The following ATP8A2 variants were observed in gnomAD, a reference collection of about 807,000 sequenced individuals.
The protein encoded by ATP8A2 is phospholipid-transporting ATPase IB.
A neutral mutation model predicts 165.6 loss-of-function variants in ATP8A2; 100 were observed. The ratio of observed to expected loss-of-function variants is 0.60; its 90% CI spans 0.51 to 0.71. ATP8A2 has a LOEUF of 0.71. Among genes scored for constraint, ATP8A2 ranks in the 30% least tolerant of loss-of-function variants. ATP8A2 has a pLI of 0.00. For missense variants in ATP8A2, 1,227 were observed against 1,479.5 expected (o/e 0.83, Z 2.80); for synonymous variants, 543 against 548.8 (o/e 0.99, Z 0.15).
At chr13:25,575,355 A>C (rs1001836032) in intron 19 of ATP8A2, among the ~76,000 whole-genome samples, 1 of 152,248 alleles carries the variant, frequency 6.6e-6, no homozygotes, top group Admixed American at 6.5e-5. Context: ...CTTCCCCAGT[A>C]CAATTTTAAA....
At chr13:25,815,335 G>A (rs2765753) in intron 27 of ATP8A2, among the ~76,000 whole-genome samples, 150,876 of 152,310 alleles carry the variant, frequency 0.99, 74,740 homozygotes, top group East Asian at 1. Flanking sequence ...TATCTGAAGA[G>A]CTCCTAAACA....
At chr13:25,513,926 C>A (rs569437558) in intron 2 of ATP8A2, among the ~76,000 whole-genome samples, 4 of 136,320 alleles carry the variant, frequency 2.9e-5, no homozygotes, top group Non-Finnish European at 4.7e-5. Context: ...AGCTTTGGCT[C>A]GGCATCAGAG....
intron 33 of ATP8A2, among the ~76,000 whole-genome samples, chr13:25,869,025 C>A (rs1011243321): frequency 1.4e-5 from 2 of 142,952 alleles, no homozygotes; most frequent in South Asian, 2.2e-4. Flanking sequence ...GCCGAGATCG[C>A]GCCACTGCAC....
chr13:25,725,693 T>C (rs2043478303), intron 25 of ATP8A2, among the ~76,000 whole-genome samples: 1 of 152,218 alleles, frequency 6.6e-6, no homozygotes, highest in Non-Finnish European at 1.5e-5. Flanking sequence ...GTGCCTTAGC[T>C]GTGGACATTC....
intron 1 of ATP8A2, among the ~76,000 whole-genome samples, chr13:25,444,155 G>A (rs1236069545): frequency 6.6e-6 from 1 of 152,108 alleles, no homozygotes; most frequent in Non-Finnish European, 1.5e-5. Context: ...AGATTAGTTT[G>A]CCTTTGAATG....
intron 35 of ATP8A2, among the ~76,000 whole-genome samples, chr13:25,991,154 G>A (rs1956384531): frequency 6.6e-6 from 1 of 152,164 alleles, no homozygotes; most frequent in African/African-American, 2.4e-5. Context: ...CCGCTTTAAA[G>A]GAAGCTTGGC....
chr13:25,642,619 A>G (rs953819015), intron 24 of ATP8A2, among the ~76,000 whole-genome samples: 2 of 152,364 alleles, frequency 1.3e-5, no homozygotes, highest in African/African-American at 4.8e-5. Flanking sequence ...ATGTGGAGAA[A>G]TAGGAAGACT....
At chr13:25,591,617 ACT>A (rs1407886680) in intron 24 of ATP8A2, among the ~76,000 whole-genome samples, 1 of 134,760 alleles carries the variant, frequency 7.4e-6, no homozygotes, top group African/African-American at 2.9e-5. Flanking sequence ...ACGAAGTCTC[ACT>A]CTCTTGCCAG....
rs142027740 is a variant in ATP8A2 at position 25,732,267 on chromosome 13, C to A, written c.2384+32922C>A. ...TATCCTTGCTAGATGAGCAGCCTCG[C>A]ATGTTGGGAAAGAATCTGTACCAGA... On this transcript the variant is annotated intron_variant, in intron 25 of 36. Coordinates refer to ENST00000381655, the MANE Select transcript of ATP8A2 (RefSeq NM_016529.6). 2.3e-3 allele frequency among the ~76,000 whole-genome samples: 349 copies of A among 152,296 alleles called. 2 individuals are homozygous for A. The highest frequency in any genetic ancestry group is 7.5e-3 in the African/African-American group (312 of 41,568).
At chr13:25,576,936 A>G (rs1002438907) in intron 19 of ATP8A2, 133 bp from the exon 20 acceptor site, 1 of 689,662 alleles carries the variant, frequency 1.4e-6, no homozygotes, top group African/African-American at 1.8e-5. Context: ...ACTTTGAAGA[A>G]AAAGGCAGGG....
chr13:25,768,869 T>C (rs1452031048), intron 25 of ATP8A2, among the ~76,000 whole-genome samples, 177 bp from the exon 26 acceptor site: 2 of 152,206 alleles, frequency 1.3e-5, no homozygotes, highest in East Asian at 3.8e-4. Flanking sequence ...AGTTGGCAAA[T>C]ACTTGAAAGC....
chr13:25,824,784 A>G (rs1015433313), intron 27 of ATP8A2, among the ~76,000 whole-genome samples: 1 of 151,982 alleles, frequency 6.6e-6, no homozygotes, highest in Non-Finnish European at 1.5e-5. Context: ...TATATTTTCT[A>G]TACTGCCCTG....
In ATP8A2 at chr13:25,751,165, C is replaced by T. The variant is rs189947891; in HGVS notation, c.2385-17881C>T. Among the ~76,000 whole-genome samples the T allele has an allele frequency of 9.2e-5, 14 of 152,296 alleles. No homozygotes were observed. In the East Asian group the frequency reaches 2.7e-3, roughly 29 times the overall value. ...AAGTAACTAAGTCAACCTCCCATAC[C>T]TTGGCTTACTTTGAATTCAACCTCG... On this transcript the variant is annotated intron_variant, in intron 25 of 36. Coordinates refer to ENST00000381655, the MANE Select transcript of ATP8A2 (RefSeq NM_016529.6).
intron 24 of ATP8A2, among the ~76,000 whole-genome samples, chr13:25,605,977 CCTT>C (rs1299763849): frequency 2.0e-5 from 3 of 152,132 alleles, no homozygotes; most frequent in Admixed American, 6.5e-5. Context: ...TCCATATACT[CCTT>C]CTTGCCCTCC....
At position 25,429,096 on chromosome 13, in the gene ATP8A2, C is replaced by T. The variant is rs143716018; in HGVS notation, c.77-39881C>T. Among the ~76,000 whole-genome samples, 1,286 of 151,856 alleles carry T rather than the reference C, an allele frequency of 8.5e-3. 20 individuals are homozygous for T. The highest frequency in any genetic ancestry group is 0.029 in the African/African-American group (1,190 of 41,426). On this transcript the variant is annotated intron_variant, in intron 1 of 36. Transcript: ENST00000381655. ...AAGAAATAATCTAGTGGCCGGGCAC[C>T]GTGGCTCATGCCTGTAATCCCAGCA...
chr13:25,834,115 A>G (rs1405130405), intron 28 of ATP8A2, among the ~76,000 whole-genome samples: 3 of 152,226 alleles, frequency 2.0e-5, no homozygotes, highest in African/African-American at 7.2e-5. Context: ...ATGAGTAGAC[A>G]TTTCACAGAA....
chr13:25,905,788 C>T (rs954241198), intron 33 of ATP8A2, among the ~76,000 whole-genome samples: 1 of 152,216 alleles, frequency 6.6e-6, no homozygotes, highest in African/African-American at 2.4e-5. Context: ...TCTCCTGGGG[C>T]CCCTTCCTGC....
intron 1 of ATP8A2, among the ~76,000 whole-genome samples, chr13:25,445,465 C>T (rs1047112345): frequency 6.6e-6 from 1 of 152,184 alleles, no homozygotes; most frequent in African/African-American, 2.4e-5. Flanking sequence ...TCTCATTCAT[C>T]TTTGTTTTCA....
At chr13:25,420,938 A>G (rs514065) in intron 1 of ATP8A2, among the ~76,000 whole-genome samples, 4,129 of 152,308 alleles carry the variant, frequency 0.027, 87 homozygotes, top group African/African-American at 0.063. Context: ...ACCTACTTTA[A>G]GAAATTACTT....
Sources: gnomAD v4.1 joint callset for allele counts (sites outside exome capture counted in the v4.1 genomes callset) on GRCh38, gnomAD v4.1.1 for gene constraint, MANE v1.5 for transcripts, NCBI Gene and HGNC (gene_info 2026-07-23, HGNC 2026-07-21) for gene names.